Variants in RP1 observed in about 807,000 individuals in gnomAD.
The protein encoded by RP1 is oxygen-regulated protein 1.
A neutral mutation model predicts 14.8 loss-of-function variants in RP1; 16 were observed. The observed-to-expected ratio is 1.08, with a 90% CI of 0.73 to 1.65. RP1 has a LOEUF of 1.65. Ranked by LOEUF, RP1 falls within the 40% of genes most tolerant of loss-of-function variation. The pLI is 0.00. For synonymous variants in RP1, 876 were observed against 883.6 expected, an observed-to-expected ratio of 0.99 and a Z score of 0.15; for missense variants, 2,631 against 2,535.0, an observed-to-expected ratio of 1.04 and a Z score of -0.81.
rs1224375412 is a variant in RP1 at position 54,754,865 on chromosome 8, T to A, written c.2871T>A (p.Ser957=). Residue 957 remains serine, a synonymous_variant, in exon 20 of 23, where the codon TCT becomes TCA. Coordinates refer to the RP1 transcript ENST00000636932. ...ATTTTGCAGCAAACGTATGGCTGTC[T>A]CGGATTCAGGCAGATGGGGATGTTG... The A allele has an allele frequency of 2.0e-6, 3 of 1,528,482 alleles. No individual in the cohort carries two copies. The African/African-American group carries it at 4.1e-5, about 21-fold the overall frequency. 94.7% of individuals were successfully genotyped at this position (1,528,482 alleles called of 1,614,324 possible).
intron 24 of RP1, among the ~76,000 whole-genome samples, chr8:54,785,104 A>T (rs1018416940): frequency 6.6e-6 from 1 of 152,056 alleles, no homozygotes; most frequent in Non-Finnish European, 1.5e-5. Flanking sequence ...AATCACCACA[A>T]TCTAATTTTA....
chr8:54,592,293 A>G (rs1270826488), intron 1 of RP1, among the ~76,000 whole-genome samples: 1 of 152,184 alleles, frequency 6.6e-6, no homozygotes, highest in East Asian at 1.9e-4. Context: ...GCAAGGTGCA[A>G]TAGTAGGCTC....
intron 19 of RP1, among the ~76,000 whole-genome samples, chr8:54,741,103 G>T (rs1809074362): frequency 6.6e-6 from 1 of 151,988 alleles, no homozygotes; most frequent in African/African-American, 2.4e-5. Flanking sequence ...ACTGTACAGT[G>T]TGTTTGTGTT....
chr8:54,609,157 GA>G (rs1320547640), intron 1 of RP1, among the ~76,000 whole-genome samples: 1 of 152,160 alleles, frequency 6.6e-6, no homozygotes, highest in East Asian at 1.9e-4. Flanking sequence ...CAAGAGCCAG[GA>G]AAGAACAGTC....
chr8:54,654,605 G>A (rs780138291), intron 5 of RP1, among the ~76,000 whole-genome samples: 51 of 152,190 alleles, frequency 3.4e-4, no homozygotes, highest in Non-Finnish European at 7.3e-5. Context: ...TCCTGAACCT[G>A]TCTGAGTCTC....
chr8:54,651,462 A>C (rs575458477), intron 4 of RP1, among the ~76,000 whole-genome samples: 5 of 151,342 alleles, frequency 3.3e-5, no homozygotes, highest in African/African-American at 1.2e-4. Flanking sequence ...AGGTCTATTC[A>C]TATTTTTTAT....
chr8:54,845,352 T>A (rs1563394224), intron 25 of RP1, among the ~76,000 whole-genome samples: 1 of 152,124 alleles, frequency 6.6e-6, no homozygotes, highest in East Asian at 1.9e-4. Flanking sequence ...ACAAGACTCA[T>A]CAACGGATGG....
At chr8:54,677,931 T>G (rs915322579) in intron 8 of RP1, among the ~76,000 whole-genome samples, 1 of 152,144 alleles carries the variant, frequency 6.6e-6, no homozygotes, top group Admixed American at 6.6e-5. Flanking sequence ...CAAATTAATA[T>G]GAAATTAAAC....
In RP1 at chr8:54,827,452, C is replaced by T. The variant is rs367791046; in HGVS notation, c.3616-9998C>T. On this transcript the variant is annotated intron_variant, in intron 24 of 28. Transcript: ENST00000637698. Reference sequence around the variant, plus strand: ...GGTGATCCTCCCACCTCAGCCTTCTCCCAAGTAGCTGGACTCCAGGTGCGT... The same window carrying T: ...GGTGATCCTCCCACCTCAGCCTTCTTCCAAGTAGCTGGACTCCAGGTGCGT... Among the ~76,000 whole-genome samples, 9 of 152,062 alleles carry T rather than the reference C, an allele frequency of 5.9e-5. No homozygotes were observed. The South Asian group carries it at 1.9e-3, about 32-fold the overall frequency.
chr8:54,570,911 T>C (rs1329529781), intron 1 of RP1, among the ~76,000 whole-genome samples: 1 of 151,998 alleles, frequency 6.6e-6, no homozygotes, highest in Non-Finnish European at 1.5e-5. Context: ...GAAGTGTAGG[T>C]TTCTTTTGAA....
rs534088621 is a variant in RP1 at position 54,854,870 on chromosome 8, AT to A, written c.3990+2143del. ...ACAGAGAAAGACTCTGTCTCAAAAA[AT>A]AAATGAATAAATAAAATTAATTGTG... On this transcript the variant is annotated intron_variant, in intron 26 of 28. Transcript: ENST00000637698. Among the ~76,000 whole-genome samples, 231 of 152,356 alleles carry A rather than the reference AT, an allele frequency of 1.5e-3. 2 individuals carry two copies. The highest frequency in any genetic ancestry group is 5.4e-3 in the African/African-American group (224 of 41,590).
chr8:54,615,246 A>T (rs942723101), upstream of RP1, among the ~76,000 whole-genome samples: 23 of 152,160 alleles, frequency 1.5e-4, no homozygotes, highest in Admixed American at 1.3e-4. Flanking sequence ...AGTATTTATG[A>T]GGCAAAGTGT....
At position 54,625,969 on chromosome 8, in the gene RP1, T is replaced by A. The variant is rs1467620845; in HGVS notation, c.2087T>A (p.Leu696His). ...QDGQLATKGI[L>H]NKNERINTKG... is the part of the protein sequence containing the mutation. ...GGACAGCTTGCAACCAAAGGAATTC[T>A]TAATAAGAATGAGAGAATAAACACA... The change falls in exon 4 of 4, where the codon CTT (leucine) becomes CAT (histidine). Residue 696 changes from leucine (L) to histidine (H), a missense_variant. By Grantham distance (99) the Leu-to-His change is moderately conservative. Coordinates refer to ENST00000220676, the MANE Select transcript of RP1 (RefSeq NM_006269.2). The A allele has an allele frequency of 1.9e-6, 3 of 1,613,894 alleles. No homozygotes were observed. The highest frequency in any genetic ancestry group is 2.5e-6 in the Non-Finnish European group (3 of 1,179,902).
intron 24 of RP1, among the ~76,000 whole-genome samples, chr8:54,802,960 C>CTAAG (rs1237472761): frequency 2.6e-5 from 4 of 151,540 alleles, no homozygotes; most frequent in Non-Finnish European, 5.9e-5. Flanking sequence ...AGGTAGCTTA[C>CTAAG]TAAGCTCAAG....
At chr8:54,650,964 GT>G (rs1806644512) in intron 4 of RP1, among the ~76,000 whole-genome samples, 1 of 151,156 alleles carries the variant, frequency 6.6e-6, no homozygotes, top group Non-Finnish European at 1.5e-5. Flanking sequence ...TTTCTAGTTT[GT>G]TGAATTTTTT....
intron 15 of RP1, among the ~76,000 whole-genome samples, chr8:54,714,205 C>T (rs914131073): frequency 7.2e-5 from 11 of 152,148 alleles, no homozygotes; most frequent in Non-Finnish European, 1.5e-4. Context: ...GGATTACAGG[C>T]GTGAGCCACC....
rs183216978 is a variant in RP1, at chr8:54,566,083, C to T, written c.-13+6763C>T. On this transcript the variant is annotated intron_variant, in intron 1 of 22. Transcript: ENST00000636932. ...AGCCCAGCTGGATTCGGGGCCCAACCCCACTCCAGGATGACTCCGTCTTAG... is the reference window on the plus strand; with the variant it reads ...AGCCCAGCTGGATTCGGGGCCCAACTCCACTCCAGGATGACTCCGTCTTAG... Among the ~76,000 whole-genome samples, 554 of 152,282 alleles carry T rather than the reference C, an allele frequency of 3.6e-3. 8 individuals carry two copies. Among genetic ancestry groups the T allele is most frequent in the African/African-American group, 0.013 (525 of 41,552 alleles).
At chr8:54,648,848 T>C (rs1043938214) in intron 3 of RP1, 50 of 511,454 alleles carry the variant, frequency 9.8e-5, no homozygotes, top group African/African-American at 2.9e-4. Flanking sequence ...AAATCTTCTG[T>C]TATGGCACTT....
chr8:54,634,397 A>G (rs1806308468), downstream of RP1, among the ~76,000 whole-genome samples: 1 of 152,216 alleles, frequency 6.6e-6, no homozygotes, highest in Non-Finnish European at 1.5e-5. Flanking sequence ...GGACACCACC[A>G]ATTTATATTT....
Sources: allele counts gnomAD v4.1 joint callset (sites outside exome capture counted in the v4.1 genomes callset), GRCh38; gene constraint gnomAD v4.1.1; transcripts MANE v1.5; gene names NCBI Gene and HGNC (gene_info 2026-07-23, HGNC 2026-07-21).